The following SLIT2 variants were observed in gnomAD, a reference collection of about 807,000 sequenced individuals.
SLIT2 encodes slit guidance ligand 2, also known as slit homolog 2 protein.
Under a neutral mutation model 185.7 loss-of-function variants are expected in SLIT2, and 41 were observed. The ratio of observed to expected loss-of-function variants is 0.22; its 90% CI spans 0.17 to 0.29. The LOEUF is 0.29. SLIT2 is among the 10% of genes least tolerant of loss of function. The pLI is 1.00. For synonymous variants in SLIT2, 693 were observed against 680.2 expected (o/e 1.02, Z -0.29); for missense variants, 1,571 against 1,909.0 (o/e 0.82, Z 3.30).
chr4:20,366,036 T>G (rs1723090285), intron 4 of SLIT2, among the ~76,000 whole-genome samples: 1 of 152,136 alleles, frequency 6.6e-6, no homozygotes. Flanking sequence ...GTTGGTTCAC[T>G]TAACATGGAA....
intron 7 of SLIT2, among the ~76,000 whole-genome samples, chr4:20,486,515 A>T (rs1167985960): frequency 6.6e-6 from 1 of 152,108 alleles, no homozygotes; most frequent in Non-Finnish European, 1.5e-5. Flanking sequence ...ATTTACTTTG[A>T]GCTATTGTGG....
intron 4 of SLIT2, among the ~76,000 whole-genome samples, chr4:20,453,291 A>T (rs1209141850): frequency 6.6e-6 from 1 of 152,178 alleles, no homozygotes; most frequent in Non-Finnish European, 1.5e-5. Context: ...TTTATTGATA[A>T]TGACAGCAAT....
At chr4:20,596,688 G>T in intron 32 of SLIT2, 33 bp downstream of exon 32, 2 of 1,590,002 alleles carry the variant, frequency 1.3e-6, no homozygotes, top group South Asian at 1.1e-5. Flanking sequence ...GAGATGATCG[G>T]ATCTTAAAAT....
rs142696181 is a variant in SLIT2 at position 20,577,632 on chromosome 4, T to C, written c.3088+8628T>C. Among the ~76,000 whole-genome samples the C allele has an allele frequency of 2.6e-3, 397 of 152,298 alleles. 10 individuals are homozygous for C. In the South Asian group the frequency reaches 0.06, roughly 23 times the overall value. On this transcript the variant is annotated intron_variant, in intron 29 of 36. Transcript: ENST00000504154. ...AAAGAGGAGAAAATATACATACTTT[T>C]CTTTCAGGTCCAACTTAATGAAGCT...
At chr4:20,527,422 G>A (rs1361164537) in intron 15 of SLIT2, among the ~76,000 whole-genome samples, 1 of 152,106 alleles carries the variant, frequency 6.6e-6, no homozygotes, top group East Asian at 1.9e-4. Flanking sequence ...GAGTAGCTGG[G>A]ACTACAGGCG....
intron 33 of SLIT2, among the ~76,000 whole-genome samples, chr4:20,599,596 A>G (rs1417619967): frequency 1.3e-5 from 2 of 152,240 alleles, no homozygotes; most frequent in Non-Finnish European, 2.9e-5. Context: ...TTGTCAAAAC[A>G]GGATTTCATC....
At chr4:20,457,175 A>G (rs1713168117) in intron 4 of SLIT2, among the ~76,000 whole-genome samples, 2 of 152,126 alleles carry the variant, frequency 1.3e-5, no homozygotes, top group South Asian at 2.1e-4. Context: ...ATTGACCACA[A>G]CCAGGCATAG....
intron 25 of SLIT2, chr4:20,552,326 A>C (rs1723832163): frequency 6.6e-6 from 1 of 150,834 alleles, no homozygotes; most frequent in Non-Finnish European, 1.5e-5. Flanking sequence ...GAGCAAGTAG[A>C]GTCTTCCTTG....
intron 29 of SLIT2, among the ~76,000 whole-genome samples, chr4:20,575,620 C>G (rs995061809): frequency 1.3e-5 from 2 of 152,154 alleles, no homozygotes; most frequent in African/African-American, 4.8e-5. Context: ...CTGCCTCCTT[C>G]CAGGCACGGC....
intron 18 of SLIT2, 22 bp from the exon 19 acceptor site, chr4:20,539,419 A>G (rs1220507618): frequency 1.2e-6 from 2 of 1,605,960 alleles, no homozygotes; most frequent in East Asian, 2.2e-5. Context: ...TCTCCATAAC[A>G]ATGTCCTTTT....
At chr4:20,583,683 C>T (rs541542151) in intron 29 of SLIT2, among the ~76,000 whole-genome samples, 1 of 152,008 alleles carries the variant, frequency 6.6e-6, no homozygotes, top group Admixed American at 6.6e-5. Flanking sequence ...GTGGTGCGCA[C>T]CTGTAGTCCC....
intron 29 of SLIT2, among the ~76,000 whole-genome samples, chr4:20,588,787 A>G (rs1727271817): frequency 1.3e-5 from 2 of 152,200 alleles, no homozygotes; most frequent in African/African-American, 2.4e-5. Flanking sequence ...GTGATTCAAC[A>G]AAGAGTACCT....
Position 20,253,617 on chromosome 4 carries a change from G to A in SLIT2, c.-199G>A, listed in dbSNP as rs1722210922. ...CCAAGGAGCTCCTGCTCTGCCAGAGGAGGGTGGAGAGGGCGGTGGGAGGCG... is the reference window on the plus strand; with the variant it reads ...CCAAGGAGCTCCTGCTCTGCCAGAGAAGGGTGGAGAGGGCGGTGGGAGGCG... On this transcript the variant is annotated 5_prime_UTR_variant, in exon 1 of 37. Coordinates refer to ENST00000504154, the MANE Select transcript of SLIT2 (RefSeq NM_004787.4). 3 of 617,654 alleles carry A rather than the reference G, an allele frequency of 4.9e-6. No individual in the cohort carries two copies. In the South Asian group the frequency reaches 5.9e-5, roughly 12 times the overall value. The allele number at this position is 617,654 out of a possible 1,614,324, so 38.3% of individuals were successfully genotyped here. A position where few individuals can be genotyped will look rare whatever the true frequency, so the allele number is the denominator to read the frequency against.
intron 4 of SLIT2, among the ~76,000 whole-genome samples, chr4:20,315,992 A>G (rs1341062803): frequency 6.6e-6 from 1 of 151,952 alleles, no homozygotes; most frequent in Non-Finnish European, 1.5e-5. Context: ...TTTTCTTGGT[A>G]GTGATAGTGA....
chr4:20,303,633 C>G (rs1014042815), intron 4 of SLIT2, among the ~76,000 whole-genome samples: 1 of 152,160 alleles, frequency 6.6e-6, no homozygotes, highest in East Asian at 1.9e-4. Context: ...CCACGCTCCA[C>G]TGAATGGATA....
chr4:20,335,175 T>C lies in SLIT2; in HGVS notation c.395+66294T>C, dbSNP rs183139781. Among the ~76,000 whole-genome samples the C allele has an allele frequency of 1.7e-3, 266 of 152,164 alleles. 2 individuals are homozygous for C. The highest frequency in any genetic ancestry group is 2.7e-3 in the Non-Finnish European group (187 of 68,014). ...GGAATTTGGGAGCTACAATTCAAGA[T>C]GAGATTTGAATGGGGACACAGCCAA... On this transcript the variant is annotated intron_variant, in intron 4 of 36. Coordinates refer to ENST00000504154, the MANE Select transcript of SLIT2 (RefSeq NM_004787.4).
chr4:20,476,399 C>T (rs956269336), intron 5 of SLIT2, among the ~76,000 whole-genome samples: 1 of 151,932 alleles, frequency 6.6e-6, no homozygotes, highest in Non-Finnish European at 1.5e-5. Context: ...CTTAAGTCAA[C>T]TAAATTTTTG....
chr4:20,278,055 C>T (rs1384085771), intron 4 of SLIT2, among the ~76,000 whole-genome samples: 1 of 151,768 alleles, frequency 6.6e-6, no homozygotes, highest in Non-Finnish European at 1.5e-5. Context: ...CCCATTTTAT[C>T]TGAATATGAA....
At chr4:20,274,641 C>T (rs562662687) in intron 4 of SLIT2, among the ~76,000 whole-genome samples, 1 of 152,178 alleles carries the variant, frequency 6.6e-6, no homozygotes, top group South Asian at 2.1e-4. Context: ...TGTCCGGTTT[C>T]TGCTGTTACC....
Sources: gnomAD v4.1 joint callset for allele counts (sites outside exome capture counted in the v4.1 genomes callset) on GRCh38, gnomAD v4.1.1 for gene constraint, MANE v1.5 for transcripts, NCBI Gene and HGNC (gene_info 2026-07-23, HGNC 2026-07-21) for gene names.